Variants in CHM observed in about 807,000 individuals in gnomAD.
CHM encodes CHM Rab escort protein, also known as rab proteins geranylgeranyltransferase component A 1.
Under a neutral mutation model 49.0 loss-of-function variants are expected in CHM, and 10 were observed. The ratio of observed to expected loss-of-function variants is 0.20; its 90% CI spans 0.13 to 0.35. The LOEUF (loss-of-function observed/expected upper bound fraction) is 0.35. Ranked by LOEUF, CHM falls within the 10% of genes least tolerant of loss-of-function variation. The probability of loss-of-function intolerance (pLI) is 1.00; values close to 1 mark genes in which losing one functional copy is unlikely to be tolerated. For synonymous variants in CHM, 184 were observed against 167.5 expected, an observed-to-expected ratio of 1.10 and a Z score of -0.76; for missense variants, 455 against 478.4, an observed-to-expected ratio of 0.95 and a Z score of 0.46.
At chrX:85,976,399 G>A (rs932145414) in intron 4 of CHM, among the ~76,000 whole-genome samples, 53 of 111,468 alleles carry the variant, frequency 4.8e-4, no homozygotes, top group African/African-American at 1.5e-3. Flanking sequence ...GAGGCAGGTG[G>A]ATCACGAGGT....
chrX:86,044,235 A>G (rs770826158), intron 1 of CHM, among the ~76,000 whole-genome samples: 15 of 111,864 alleles, frequency 1.3e-4, no homozygotes, highest in Middle Eastern at 9.3e-3. Flanking sequence ...ATTTGTCACT[A>G]CACTAAATGT....
chrX:85,919,255 C>T (rs915267327), intron 8 of CHM, among the ~76,000 whole-genome samples: 8 of 111,492 alleles, frequency 7.2e-5, no homozygotes, highest in African/African-American at 2.6e-4. Context: ...AAACTATATA[C>T]AGGTTAAAAA....
At chrX:86,013,733 C>CAAAAAAAAAAAAAAG (rs61357908) in intron 2 of CHM, among the ~76,000 whole-genome samples, 10 of 78,469 alleles carry the variant, frequency 1.3e-4, no homozygotes, top group Non-Finnish European at 2.0e-4. Flanking sequence ...GACTTCGTCT[C>CAAAAAAAAAAAAAAG]AAAAAAAAAA....
intron 3 of CHM, among the ~76,000 whole-genome samples, chrX:85,981,477 G>A (rs949806112): frequency 1.8e-5 from 2 of 110,084 alleles, no homozygotes; most frequent in Non-Finnish European, 3.8e-5. Context: ...CAGGTGATCC[G>A]CCCACCTTGG....
chrX:86,003,502 TA>T (rs1932789777), intron 2 of CHM, among the ~76,000 whole-genome samples: 1 of 111,618 alleles, frequency 9.0e-6, no homozygotes, highest in Non-Finnish European at 1.9e-5. Flanking sequence ...GCAAAGAAGC[TA>T]AAAACCTTGA....
intron 8 of CHM, among the ~76,000 whole-genome samples, chrX:85,923,704 A>T (rs1293188601): frequency 2.7e-5 from 3 of 111,531 alleles, no homozygotes; most frequent in Non-Finnish European, 5.6e-5. Flanking sequence ...GACAACAAAC[A>T]AGAAATAAGA....
At chrX:85,928,309 G>A (rs982434155) in intron 8 of CHM, among the ~76,000 whole-genome samples, 2 of 111,867 alleles carry the variant, frequency 1.8e-5, no homozygotes, top group African/African-American at 6.5e-5. Flanking sequence ...TTGGGAGGCC[G>A]AGGCAGGCAG....
intron 14 of CHM, among the ~76,000 whole-genome samples, chrX:85,866,228 CCTACATCCCAGCTG>C (rs1923683569): frequency 8.9e-6 from 1 of 112,184 alleles, no homozygotes; most frequent in South Asian, 3.7e-4. Flanking sequence ...AACATGGTAC[CCTACATCCCAGCTG>C]CTCCAGCTCC....
intron 2 of CHM, among the ~76,000 whole-genome samples, chrX:85,994,349 A>G (rs939248770): frequency 8.9e-6 from 1 of 112,013 alleles, no homozygotes; most frequent in Non-Finnish European, 1.9e-5. Flanking sequence ...CACAGCCAGC[A>G]CACTTCTGCA....
At chrX:86,009,962 A>T (rs1177137743) in intron 2 of CHM, among the ~76,000 whole-genome samples, 2 of 110,227 alleles carry the variant, frequency 1.8e-5, no homozygotes, top group African/African-American at 6.6e-5. Context: ...GATAGACTGG[A>T]TAAAGAAAAT....
chrX:85,864,798 G>C lies in CHM; in HGVS notation c.1794C>G (p.Ile598Met). 8.3e-7 allele frequency: 1 copy of C among 1,208,183 alleles called. No homozygotes were observed. The highest frequency in any genetic ancestry group is 1.1e-6 in the Non-Finnish European group (1 of 893,562). ...VKQAETLFQE[I>M]CPNEDFCPPP... ...GGGGACAGAAATCTTCATTGGGGCA[G>C]ATTTCCTGGAAAAGTGTTTCAGCCT... Residue 598 changes from isoleucine (I) to methionine (M), a missense_variant, in exon 15 of 15, where the codon ATC becomes ATG. Physicochemically the swap from Ile to Met is conservative, Grantham distance 10. Transcript: ENST00000357749.
At chrX:85,943,562 A>C (rs1404524826) in intron 8 of CHM, among the ~76,000 whole-genome samples, 6 of 112,071 alleles carry the variant, frequency 5.4e-5, no homozygotes, top group Non-Finnish European at 9.4e-5. Context: ...GAATACTGTA[A>C]GAATGCCCCG....
chrX:85,893,264 T>C (rs1176470228), intron 12 of CHM, among the ~76,000 whole-genome samples: 2 of 111,876 alleles, frequency 1.8e-5, no homozygotes, highest in African/African-American at 6.5e-5. Context: ...TGTATACTTA[T>C]TGACTCCTAT....
intron 2 of CHM, among the ~76,000 whole-genome samples, chrX:86,007,434 T>G (rs1932885620): frequency 9.0e-6 from 1 of 111,442 alleles, no homozygotes; most frequent in African/African-American, 3.3e-5. Context: ...CTAAAGAGCT[T>G]CTGCACAGCA....
At position 86,033,013 on chromosome X, in the gene CHM, A is replaced by T. The variant is rs1934102481; in HGVS notation, c.50-5456T>A. Among the ~76,000 whole-genome samples, 4 of 111,781 alleles carry T rather than the reference A, an allele frequency of 3.6e-5. No homozygotes were observed. The South Asian group carries it at 1.5e-3, about 42-fold the overall frequency. ...TTATCAAATGAAGGAGCTAGGCTAA[A>T]ATCAGGACCCAAGAACCTCACCTAA... On this transcript the variant is annotated intron_variant, in intron 1 of 14. Coordinates refer to ENST00000357749, the MANE Select transcript of CHM (RefSeq NM_000390.4).
intron 8 of CHM, among the ~76,000 whole-genome samples, chrX:85,925,293 T>C (rs1928018032): frequency 9.0e-6 from 1 of 111,346 alleles, no homozygotes; most frequent in African/African-American, 3.3e-5. Flanking sequence ...TCAATATAGC[T>C]TATCACAATG....
intron 9 of CHM, 35 bp downstream of exon 9, chrX:85,911,202 AATATATATATATGAATATATATAT>A: frequency 1.6e-5 from 1 of 63,146 alleles, no homozygotes; most frequent in Non-Finnish European, 2.9e-5. Context: ...TATATATATG[AATATATATATATGAATATATATAT>A]ATATATATAT....
chrX:86,019,621 G>A (rs1933454387), intron 2 of CHM: 1 of 111,959 alleles, frequency 8.9e-6, no homozygotes, highest in African/African-American at 3.2e-5. Context: ...TGGTCCAAGT[G>A]CAGTGGTATT....
rs780459420 is a variant in CHM, at chrX:85,893,696, C to A, written c.1510+492G>T. ...ATCCCCTTGCCTGTATGAGGACACA[C>A]AGAAGGTGCCACTTATGAGGAAAGG... On this transcript the variant is annotated intron_variant, in intron 12 of 14. Coordinates refer to ENST00000357749, the MANE Select transcript of CHM (RefSeq NM_000390.4). Among the ~76,000 whole-genome samples the A allele has an allele frequency of 2.7e-5, 3 of 111,017 alleles. No individual in the cohort carries two copies. In the South Asian group the frequency reaches 1.1e-3, roughly 42 times the overall value.
Sources: gnomAD v4.1 joint callset for allele counts (sites outside exome capture counted in the v4.1 genomes callset) on GRCh38, gnomAD v4.1.1 for gene constraint, MANE v1.5 for transcripts, NCBI Gene and HGNC (gene_info 2026-07-23, HGNC 2026-07-21) for gene names.